IRAG1: variants seen among roughly 807,000 people sequenced by gnomAD.
IRAG1 encodes IP3R-associated cGMP kinase substrate.
IRAG1 carries 62 observed loss-of-function variants against 106.2 expected under a neutral mutation model. The observed-to-expected ratio is 0.58, with a 90% CI of 0.48 to 0.72. The LOEUF (loss-of-function observed/expected upper bound fraction) is 0.72. Ranked by LOEUF, IRAG1 falls within the 30% of genes least tolerant of loss-of-function variation. IRAG1 has a pLI of 0.00. For missense variants in IRAG1, 1,064 were observed against 1,140.7 expected, an observed-to-expected ratio of 0.93 and a Z score of 0.97; for synonymous variants, 462 against 443.9, an observed-to-expected ratio of 1.04 and a Z score of -0.51.
chr11:10,614,008 C>T (rs1855187728), intron 10 of IRAG1, among the ~76,000 whole-genome samples: 1 of 152,160 alleles, frequency 6.6e-6, no homozygotes, highest in Non-Finnish European at 1.5e-5. Flanking sequence ...CACCCCAGGG[C>T]CAGTACCTGA....
At chr11:10,681,104 C>T (rs1423093063) in intron 1 of IRAG1, among the ~76,000 whole-genome samples, 1 of 152,090 alleles carries the variant, frequency 6.6e-6, no homozygotes, top group Non-Finnish European at 1.5e-5. Context: ...TCCTGGAGGC[C>T]CCTCAAATTC....
rs1230155168 is a variant in IRAG1, at chr11:10,575,822, T to G, written c.*510A>C. The G allele has an allele frequency of 6.5e-6, 1 of 154,466 alleles. No individual in the cohort carries two copies. The highest frequency in any genetic ancestry group is 2.4e-5 in the African/African-American group (1 of 41,322). 9.6% of individuals were successfully genotyped at this position (154,466 alleles called of 1,614,324 possible). A position where few individuals can be genotyped will look rare whatever the true frequency, so the allele number is the denominator to read the frequency against. ...CATTCCAAAGGAAAGAATGGGAGGC[T>G]GAAGTTATTGAAAATGAGATGGGAA... On this transcript the variant is annotated 3_prime_UTR_variant, in exon 21 of 21. Transcript: ENST00000423302.
In IRAG1 at chr11:10,629,689, G is replaced by A. The variant is rs2134609835; in HGVS notation, c.423C>T (p.Asp141=). ...TSVDPAGHII[D]LVNDQLPDIS... The stretch of plus-strand genomic sequence containing the variant: ...TGTCTGGCAGCTGGTCATTCACCAG[G>A]TCAATGATGTGCCCCGCGGGGTCTG... The change falls in exon 5 of 21, where the codon GAC becomes GAT. Residue 141 remains aspartate (D), a synonymous_variant. Coordinates refer to ENST00000423302, the MANE Select transcript of IRAG1 (RefSeq NM_130385.4). 1 of 1,613,808 alleles carries A rather than the reference G, an allele frequency of 6.2e-7. No individual in the cohort carries two copies. The highest frequency in any genetic ancestry group is 8.5e-7 in the Non-Finnish European group (1 of 1,179,832).
chr11:10,628,905 A>T lies in IRAG1; in HGVS notation c.575-77T>A. The T allele has an allele frequency of 7.2e-7, 1 of 1,381,560 alleles. No homozygotes were observed. Among genetic ancestry groups the T allele is most frequent in the Non-Finnish European group, 1.0e-6 (1 of 1,005,004 alleles). 85.6% of individuals were successfully genotyped at this position (1,381,560 alleles called of 1,614,324 possible). On this transcript the variant is annotated intron_variant, in intron 5 of 20. Transcript: ENST00000423302. The surrounding 1 kb of genome is among the most constrained non-coding windows in gnomAD (Gnocchi z 4.1). Reference sequence around the variant, plus strand: ...ACCTGGCAAAGGCATCCTTTTAGGTATTCCCAGGCCCTGGGAACTGGGTCT... The same window carrying T: ...ACCTGGCAAAGGCATCCTTTTAGGTTTTCCCAGGCCCTGGGAACTGGGTCT...
chr11:10,577,391 T>G (rs1411832518), intron 20 of IRAG1, among the ~76,000 whole-genome samples: 1 of 150,894 alleles, frequency 6.6e-6, no homozygotes, highest in Non-Finnish European at 1.5e-5. Flanking sequence ...CATTTTGTCC[T>G]CTCTCTCTCT....
intron 5 of IRAG1, among the ~76,000 whole-genome samples, 193 bp downstream of exon 5, chr11:10,629,345 T>A (rs973149369): frequency 6.6e-6 from 1 of 152,094 alleles, no homozygotes; most frequent in Non-Finnish European, 1.5e-5. Context: ...CCAGAGGGCC[T>A]AGGATCCTTC....
intron 10 of IRAG1, chr11:10,617,232 AG>A (rs1490727933): frequency 2.0e-6 from 2 of 979,824 alleles, no homozygotes; most frequent in East Asian, 2.3e-4. Context: ...AATCATTTCA[AG>A]AGCCACCATT....
intron 13 of IRAG1, 47 bp from the exon 14 acceptor site, chr11:10,603,298 G>C: frequency 1.3e-6 from 2 of 1,595,786 alleles, no homozygotes; most frequent in Non-Finnish European, 1.7e-6. Context: ...ATAATGTTAT[G>C]GACTAAATCA....
chr11:10,693,255 C>T (rs554786138), intron 1 of IRAG1, among the ~76,000 whole-genome samples: 5 of 152,284 alleles, frequency 3.3e-5, no homozygotes, highest in African/African-American at 1.2e-4. Flanking sequence ...AATCGCCTGT[C>T]AGGACCCACA....
intron 18 of IRAG1, among the ~76,000 whole-genome samples, chr11:10,583,997 G>A (rs1851665244): frequency 6.6e-6 from 1 of 152,164 alleles, no homozygotes; most frequent in African/African-American, 2.4e-5. Flanking sequence ...AGACATACTA[G>A]AACATCTTGG....
At chr11:10,612,073 G>C (rs1310258519) in intron 10 of IRAG1, among the ~76,000 whole-genome samples, 25 of 152,200 alleles carry the variant, frequency 1.6e-4, no homozygotes, top group Non-Finnish European at 1.5e-5. Context: ...CCCTCTGAAG[G>C]AGTGAATGGC....
chr11:10,663,430 G>A (rs929808748), intron 1 of IRAG1, among the ~76,000 whole-genome samples: 1 of 152,124 alleles, frequency 6.6e-6, no homozygotes, highest in Non-Finnish European at 1.5e-5. Flanking sequence ...AAGTCAGAAG[G>A]AAAAGATGGC....
At chr11:10,598,690 T>C (rs1321165501) in intron 15 of IRAG1, among the ~76,000 whole-genome samples, 1 of 152,188 alleles carries the variant, frequency 6.6e-6, no homozygotes, top group Non-Finnish European at 1.5e-5. Flanking sequence ...AAAACATAAA[T>C]GGGTTATTTG....
chr11:10,588,596 T>C (rs754931205), intron 18 of IRAG1, among the ~76,000 whole-genome samples: 2 of 152,176 alleles, frequency 1.3e-5, no homozygotes, highest in African/African-American at 2.4e-5. Flanking sequence ...AGTCATCCAC[T>C]TGCCTTGGCC....
At position 10,574,655 on chromosome 11, in the gene IRAG1, C is replaced by T. The variant is rs1850730490; in HGVS notation, c.*1677G>A. The T allele has an allele frequency of 6.6e-6, 1 of 152,020 alleles. No homozygotes were observed. The highest frequency in any genetic ancestry group is 1.5e-5 in the Non-Finnish European group (1 of 68,032). The allele number at this position is 152,020 out of a possible 1,614,324, so 9.4% of individuals were successfully genotyped here. A position where few individuals can be genotyped will look rare whatever the true frequency, so the allele number is the denominator to read the frequency against. Reference sequence around the variant, plus strand: ...TGACCTGAAGAAAAGAGAAGAACAGCTGGAAAAAAAACTAGTGAGTGGAGG... The same window carrying T: ...TGACCTGAAGAAAAGAGAAGAACAGTTGGAAAAAAAACTAGTGAGTGGAGG... On this transcript the variant is annotated 3_prime_UTR_variant, in exon 21 of 21. Transcript: ENST00000423302.
Position 10,609,802 on chromosome 11 carries a change from A to C in IRAG1, c.1497T>G (p.Ser499Arg), listed in dbSNP as rs759646890. Residue 499 changes from serine to arginine, a missense_variant, in exon 11 of 21, where the codon AGT becomes AGG. Transcript: ENST00000423302. The stretch of plus-strand genomic sequence containing the variant: ...AAATATTAGGCATGACATCTAAGCC[A>C]CTCTTTGACTCTTCTTCCTCAATAG... ...SPAIEEEESK[S>R]GLDVMPNISD... is the part of the protein sequence containing the mutation. 1.9e-6 allele frequency: 3 copies of C among 1,613,842 alleles called. No individual in the cohort carries two copies.
chr11:10,589,795 C>T (rs930221990), intron 18 of IRAG1, among the ~76,000 whole-genome samples: 2 of 152,204 alleles, frequency 1.3e-5, no homozygotes, highest in African/African-American at 4.8e-5. Context: ...AAAGGTGATG[C>T]CACTATTGAT....
intron 1 of IRAG1, among the ~76,000 whole-genome samples, chr11:10,668,999 C>T (rs1446380306): frequency 6.6e-6 from 1 of 152,102 alleles, no homozygotes. Context: ...TAATATTTCC[C>T]CTGATAGAGA....
intron 1 of IRAG1, among the ~76,000 whole-genome samples, chr11:10,652,556 G>A (rs1858609306): frequency 6.6e-6 from 1 of 152,222 alleles, no homozygotes; most frequent in African/African-American, 2.4e-5. Context: ...TGTCCTAGGA[G>A]CATCACCATC....
Sources: gnomAD v4.1 joint callset for allele counts (sites outside exome capture counted in the v4.1 genomes callset) on GRCh38, gnomAD v4.1.1 for gene constraint, Gnocchi (gnomAD v3.1) non-coding constraint, MANE v1.5 for transcripts, NCBI Gene and HGNC (gene_info 2026-07-23, HGNC 2026-07-21) for gene names.